PLPP4: variants seen among roughly 807,000 people sequenced by gnomAD.
The protein encoded by PLPP4 is phospholipid phosphatase 4.
In PLPP4, 20 loss-of-function variants were observed where a neutral mutation model predicts 32.2. That is an observed-to-expected ratio of 0.62 (90% confidence interval 0.44 to 0.90). PLPP4 has a LOEUF of 0.90. Ranked by LOEUF, PLPP4 falls within the 40% of genes least tolerant of loss-of-function variation. The probability of loss-of-function intolerance (pLI) is 0.00; values close to 1 mark genes in which losing one functional copy is unlikely to be tolerated. For synonymous variants in PLPP4, 127 were observed against 133.0 expected (o/e 0.95, Z 0.31); for missense variants, 257 against 353.1 (o/e 0.73, Z 2.18).
intron 5 of PLPP4, 41 bp downstream of exon 5, chr10:120,521,136 G>C: frequency 6.2e-7 from 1 of 1,609,720 alleles, no homozygotes; most frequent in Non-Finnish European, 8.5e-7. Context: ...CCCCAGTCAT[G>C]TTTCCTGCTC....
At chr10:120,466,733 C>A (rs1848336726) in intron 1 of PLPP4, among the ~76,000 whole-genome samples, 1 of 147,754 alleles carries the variant, frequency 6.8e-6, no homozygotes, top group South Asian at 2.3e-4. Context: ...AGAGACGCAC[C>A]TGAGCCTCCT....
chr10:120,565,045 C>G (rs1182963776), intron 5 of PLPP4, among the ~76,000 whole-genome samples: 1 of 152,150 alleles, frequency 6.6e-6, no homozygotes, highest in African/African-American at 2.4e-5. Flanking sequence ...TTAACGAAGT[C>G]TCAAGTTAAT....
chr10:120,539,999 TAA>T (rs11386207), intron 5 of PLPP4, among the ~76,000 whole-genome samples: 4 of 143,002 alleles, frequency 2.8e-5, no homozygotes, highest in Admixed American at 7.0e-5. Context: ...AGTAAACTTG[TAA>T]AAAAAAAAAA....
chr10:120,542,715 G>A (rs188051225), intron 5 of PLPP4, among the ~76,000 whole-genome samples: 9 of 152,276 alleles, frequency 5.9e-5, no homozygotes, highest in South Asian at 2.1e-4. Context: ...TTCCGCAGGC[G>A]CTGCTGAGTA....
intron 6 of PLPP4, among the ~76,000 whole-genome samples, chr10:120,580,406 T>C (rs573330922): frequency 4.1e-4 from 62 of 152,204 alleles, no homozygotes; most frequent in African/African-American, 1.4e-3. Flanking sequence ...GCATGGAAAT[T>C]AGATGATAAT....
intron 5 of PLPP4, among the ~76,000 whole-genome samples, chr10:120,561,970 C>T (rs1028467083): frequency 3.3e-5 from 5 of 152,264 alleles, no homozygotes; most frequent in African/African-American, 9.6e-5. Context: ...AGCCTTGAGA[C>T]CCATTTTGTC....
chr10:120,515,100 G>A (rs1291897366), intron 3 of PLPP4, among the ~76,000 whole-genome samples: 1 of 152,160 alleles, frequency 6.6e-6, no homozygotes, highest in East Asian at 1.9e-4. Context: ...CCAGGCTCCT[G>A]TTAGGCCTTA....
intron 5 of PLPP4, among the ~76,000 whole-genome samples, chr10:120,547,084 A>G (rs1413635418): frequency 6.6e-6 from 1 of 152,090 alleles, no homozygotes; most frequent in Non-Finnish European, 1.5e-5. Flanking sequence ...ATGTTCCTGA[A>G]ATAGTTGTCT....
intron 1 of PLPP4, among the ~76,000 whole-genome samples, chr10:120,479,092 G>C (rs891868396): frequency 3.3e-5 from 5 of 152,158 alleles, no homozygotes; most frequent in South Asian, 2.1e-4. Flanking sequence ...CGGGCATGGT[G>C]GTGGGCGCCT....
At chr10:120,510,135 A>G (rs1845667399) in intron 2 of PLPP4, among the ~76,000 whole-genome samples, 1 of 152,202 alleles carries the variant, frequency 6.6e-6, no homozygotes, top group African/African-American at 2.4e-5. Context: ...AGAATAGACT[A>G]TAGTCCTTAG....
intron 5 of PLPP4, among the ~76,000 whole-genome samples, chr10:120,551,605 A>G (rs899112960): frequency 6.6e-6 from 1 of 152,198 alleles, no homozygotes; most frequent in African/African-American, 2.4e-5. Flanking sequence ...ATAAGCTATA[A>G]TATTCTGTTT....
At chr10:120,494,231 A>G (rs922645964) in intron 1 of PLPP4, among the ~76,000 whole-genome samples, 4 of 152,288 alleles carry the variant, frequency 2.6e-5, no homozygotes, top group South Asian at 4.1e-4. Context: ...TTATTCATTC[A>G]CTATGTGTAC....
chr10:120,505,120 G>T (rs1261985119), intron 2 of PLPP4, among the ~76,000 whole-genome samples: 1 of 152,226 alleles, frequency 6.6e-6, no homozygotes, highest in Non-Finnish European at 1.5e-5. Context: ...TGAGGAAGAT[G>T]TCATTATTGT....
At chr10:120,496,912 AGTGTGTGTGT>A (rs3066553) in intron 1 of PLPP4, among the ~76,000 whole-genome samples, 33 of 149,240 alleles carry the variant, frequency 2.2e-4, no homozygotes, top group Middle Eastern at 3.4e-3. Context: ...AGAATGTGTG[AGTGTGTGTGT>A]GTGTGTGTGT....
intron 1 of PLPP4, among the ~76,000 whole-genome samples, chr10:120,493,570 G>A (rs958779550): frequency 7.2e-5 from 11 of 152,106 alleles, no homozygotes; most frequent in Admixed American, 5.9e-4. Context: ...TGCCAGTCCC[G>A]CTGCCTTCCA....
At chr10:120,547,252 A>T (rs999491363) in intron 5 of PLPP4, among the ~76,000 whole-genome samples, 23 of 151,878 alleles carry the variant, frequency 1.5e-4, no homozygotes, top group Non-Finnish European at 3.2e-4. Context: ...ATGCCTTTCA[A>T]AGAAAGGCAT....
chr10:120,504,626 C>T (rs551581807), intron 2 of PLPP4, among the ~76,000 whole-genome samples: 19 of 152,122 alleles, frequency 1.2e-4, no homozygotes, highest in Non-Finnish European at 2.2e-4. Context: ...TAAACTAAGA[C>T]GAGCTTTGAA....
intron 5 of PLPP4, among the ~76,000 whole-genome samples, chr10:120,574,449 T>C (rs1849115604): frequency 6.6e-6 from 1 of 152,170 alleles, no homozygotes; most frequent in Non-Finnish European, 1.5e-5. Flanking sequence ...CTCTACACTT[T>C]CGACAATGGA....
At position 120,474,679 on chromosome 10, in the gene PLPP4, C is replaced by CA. The variant is rs375006494; in HGVS notation, c.56+17326dup. On this transcript the variant is annotated intron_variant, in intron 1 of 6. Transcript: ENST00000398250. ...TGCTTTGCTTTTGTTTCTCCTGACA[C>CA]AAAAAAAATCATATTGTTCATTAAA... Among the ~76,000 whole-genome samples, 100 of 151,690 alleles carry CA rather than the reference C, an allele frequency of 6.6e-4. 1 individual carries two copies. In the South Asian group the frequency reaches 7.7e-3, roughly 12 times the overall value.
Sources: allele counts gnomAD v4.1 joint callset (sites outside exome capture counted in the v4.1 genomes callset), GRCh38; gene constraint gnomAD v4.1.1; transcripts MANE v1.5; gene names NCBI Gene and HGNC (gene_info 2026-07-23, HGNC 2026-07-21).